Variants in AUTS2 observed in about 807,000 individuals in gnomAD.
The protein encoded by AUTS2 is activator of transcription and developmental regulator AUTS2.
AUTS2 carries 17 observed loss-of-function variants against 112.4 expected under a neutral mutation model. That is an observed-to-expected ratio of 0.15 (90% CI 0.10 to 0.23). The LOEUF is 0.23. Ranked by LOEUF, AUTS2 falls within the 10% of genes least tolerant of loss-of-function variation. The probability of loss-of-function intolerance (pLI) is 1.00; values close to 1 mark genes in which losing one functional copy is unlikely to be tolerated. For missense variants in AUTS2, 1,510 were observed against 1,701.6 expected, an observed-to-expected ratio of 0.89 and a Z score of 1.98; for synonymous variants, 751 against 702.7, an observed-to-expected ratio of 1.07 and a Z score of -1.09.
intron 4 of AUTS2, among the ~76,000 whole-genome samples, chr7:70,422,329 C>T (rs1795257881): frequency 6.6e-6 from 1 of 152,188 alleles, no homozygotes; most frequent in African/African-American, 2.4e-5. Flanking sequence ...TGCTCAATTC[C>T]AGTTGCTCTA....
intron 4 of AUTS2, among the ~76,000 whole-genome samples, chr7:70,364,346 G>A (rs537712262): frequency 5.3e-5 from 8 of 151,838 alleles, no homozygotes; most frequent in African/African-American, 1.2e-4. Context: ...GGCAGATCAC[G>A]AGGTCAGGAG....
chr7:70,576,912 C>A (rs1033479715), intron 5 of AUTS2, among the ~76,000 whole-genome samples: 5 of 152,126 alleles, frequency 3.3e-5, no homozygotes, highest in Admixed American at 1.3e-4. Flanking sequence ...TTTCATAGAT[C>A]CCTTGGAACA....
chr7:70,317,171 C>T (rs909620200), intron 4 of AUTS2: 5 of 151,694 alleles, frequency 3.3e-5, no homozygotes, highest in Admixed American at 3.3e-4. Context: ...TTTTTTTAAC[C>T]TTCTTGAAAA....
chr7:70,376,449 G>A (rs1037067474), intron 4 of AUTS2, among the ~76,000 whole-genome samples: 1 of 151,892 alleles, frequency 6.6e-6, no homozygotes, highest in African/African-American at 2.4e-5. Flanking sequence ...ATGGACTGTG[G>A]GTGAGATGTG....
chr7:70,054,217 C>T (rs2129559721), intron 2 of AUTS2, among the ~76,000 whole-genome samples: 1 of 152,190 alleles, frequency 6.6e-6, no homozygotes, highest in East Asian at 1.9e-4. Flanking sequence ...GGCTACCATA[C>T]TGGGTAGCAC....
At chr7:69,654,998 G>A (rs1795458344) in intron 1 of AUTS2, among the ~76,000 whole-genome samples, 1 of 152,094 alleles carries the variant, frequency 6.6e-6, no homozygotes, top group African/African-American at 2.4e-5. Context: ...TTGTGCTCCT[G>A]TCTTAGCAAT....
chr7:69,733,125 C>A (rs980941698), intron 1 of AUTS2, among the ~76,000 whole-genome samples: 1 of 152,096 alleles, frequency 6.6e-6, no homozygotes, highest in Non-Finnish European at 1.5e-5. Flanking sequence ...TAATTGGCTA[C>A]GGCTCAGGTG....
chr7:69,926,701 C>G (rs1259311631), intron 2 of AUTS2, among the ~76,000 whole-genome samples: 1 of 149,554 alleles, frequency 6.7e-6, no homozygotes, highest in African/African-American at 2.5e-5. Context: ...TCTTTTGTTC[C>G]CATATTAGCT....
intron 4 of AUTS2, among the ~76,000 whole-genome samples, chr7:70,242,113 G>A (rs1812645459): frequency 6.6e-6 from 1 of 152,180 alleles, no homozygotes; most frequent in Non-Finnish European, 1.5e-5. Context: ...AGACACAGTG[G>A]CAACATAGTT....
At chr7:70,719,689 C>T (rs912790229) in intron 6 of AUTS2, among the ~76,000 whole-genome samples, 2 of 152,144 alleles carry the variant, frequency 1.3e-5, no homozygotes, top group Admixed American at 1.3e-4. Flanking sequence ...GTCGTGAACT[C>T]CTGACCTTGT....
rs553733325 is a variant in AUTS2, at chr7:69,985,458, G to A, written c.522+85960G>A. Among the ~76,000 whole-genome samples the A allele has an allele frequency of 6.6e-5, 10 of 152,222 alleles. No homozygotes were observed. In the South Asian group the frequency reaches 1.9e-3, roughly 28 times the overall value. The stretch of plus-strand genomic sequence containing the variant: ...TCATTCTCTATATTTCAGCCAATAT[G>A]ATCTTTTCAAAACACAGGTTACATT... On this transcript the variant is annotated intron_variant, in intron 2 of 18. Coordinates refer to ENST00000342771, the MANE Select transcript of AUTS2 (RefSeq NM_015570.4).
chr7:69,668,441 A>G (rs1011258563), intron 1 of AUTS2, among the ~76,000 whole-genome samples: 2 of 152,240 alleles, frequency 1.3e-5, no homozygotes, highest in African/African-American at 4.8e-5. Flanking sequence ...AAACAGGCCC[A>G]CATTACTGAA....
At chr7:70,781,419 C>A in intron 14 of AUTS2, 196 bp from the exon 15 acceptor site, 4 of 446,916 alleles carry the variant, frequency 9.0e-6, no homozygotes, top group East Asian at 4.9e-5. Context: ...CTAGACATTT[C>A]TGGTGTAACA....
chr7:69,699,365 G>T (rs929280259), intron 1 of AUTS2, among the ~76,000 whole-genome samples: 1 of 152,062 alleles, frequency 6.6e-6, no homozygotes, highest in Non-Finnish European at 1.5e-5. Flanking sequence ...TTCTTAAATA[G>T]TGTGTGTACT....
At chr7:70,516,701 T>C (rs1045281042) in intron 5 of AUTS2, among the ~76,000 whole-genome samples, 3 of 152,206 alleles carry the variant, frequency 2.0e-5, no homozygotes, top group Non-Finnish European at 4.4e-5. Flanking sequence ...AAATGTTTGC[T>C]ACATATGAAT....
intron 4 of AUTS2, among the ~76,000 whole-genome samples, chr7:70,284,322 A>G (rs752879522): frequency 1.3e-5 from 2 of 152,164 alleles, no homozygotes; most frequent in Non-Finnish European, 2.9e-5. Context: ...CTTTAATGGC[A>G]TGGCTGCCAT....
chr7:70,256,073 G>A (rs1331282205), intron 4 of AUTS2, among the ~76,000 whole-genome samples: 2 of 152,148 alleles, frequency 1.3e-5, no homozygotes, highest in Non-Finnish European at 2.9e-5. Flanking sequence ...TGTGTAGGAC[G>A]CTAATGATGT....
rs1805380869 is a variant in AUTS2, at chr7:70,633,573, T to G, written c.691-64996T>G. 7.5e-5 allele frequency among the ~76,000 whole-genome samples: 10 copies of G among 132,696 alleles called. No homozygotes were observed. The Admixed American group carries it at 8.8e-4, about 12-fold the overall frequency. The allele number at this position is 132,696 out of a possible 152,430, so 87.1% of individuals were successfully genotyped here. A position where few individuals can be genotyped will look rare whatever the true frequency, so the allele number is the denominator to read the frequency against. Reference sequence around the variant, plus strand: ...TTGCAGTGAGCTGAGATCCCACCACTGCACTCTAGCCTGGGCCACAGAGCA... The same window carrying G: ...TTGCAGTGAGCTGAGATCCCACCACGGCACTCTAGCCTGGGCCACAGAGCA... On this transcript the variant is annotated intron_variant, in intron 5 of 18. Transcript: ENST00000342771.
At chr7:70,649,180 C>CAGAAGTTTGAGACCTTTAGATT (rs544945149) in intron 5 of AUTS2, among the ~76,000 whole-genome samples, 1,620 of 151,244 alleles carry the variant, frequency 0.011, 44 homozygotes, top group African/African-American at 0.037. Context: ...TGCTTTAGCT[C>CAGAAGTTTGAGACCTTTAGATT]AGAAGTTTGA....
Sources: allele counts gnomAD v4.1 joint callset (sites outside exome capture counted in the v4.1 genomes callset), GRCh38; gene constraint gnomAD v4.1.1; transcripts MANE v1.5; gene names NCBI Gene and HGNC (gene_info 2026-07-23, HGNC 2026-07-21).